MYO3A: variants seen among roughly 807,000 people sequenced by gnomAD.
MYO3A encodes the protein myosin IIIA, also known as myosin-IIIa.
In MYO3A, 180 loss-of-function variants were observed where a neutral mutation model predicts 192.7. That is an observed-to-expected ratio of 0.93 (90% CI 0.83 to 1.06). The LOEUF (loss-of-function observed/expected upper bound fraction) is 1.06, where lower values mean the gene tolerates loss of function less well. Among genes scored for constraint, MYO3A ranks in the 50% least tolerant of loss-of-function variants. MYO3A has a pLI of 0.00. For synonymous variants in MYO3A, 628 were observed against 645.3 expected (o/e 0.97, Z 0.41); for missense variants, 1,896 against 1,905.0 (o/e 1.00, Z 0.09).
chr10:26,029,583 A>T (rs552836354), intron 10 of MYO3A, among the ~76,000 whole-genome samples: 1 of 152,134 alleles, frequency 6.6e-6, no homozygotes, highest in Non-Finnish European at 1.5e-5. Flanking sequence ...ATACATCAAC[A>T]TCTATAGTTT....
chr10:26,035,372 C>G (rs1191862957), intron 10 of MYO3A, among the ~76,000 whole-genome samples: 1 of 152,062 alleles, frequency 6.6e-6, no homozygotes, highest in Non-Finnish European at 1.5e-5. Context: ...CTAAGTAGCA[C>G]TAAATAAAGG....
intron 4 of MYO3A, among the ~76,000 whole-genome samples, chr10:25,976,280 G>A (rs1216424813): frequency 1.3e-5 from 2 of 152,130 alleles, no homozygotes; most frequent in Non-Finnish European, 2.9e-5. Flanking sequence ...AAAGACTCAA[G>A]CATGAATATT....
intron 27 of MYO3A, among the ~76,000 whole-genome samples, chr10:26,167,907 A>G (rs370217065): frequency 2.4e-4 from 36 of 152,344 alleles, no homozygotes; most frequent in African/African-American, 8.7e-4. Context: ...AGGATTCAAT[A>G]AACTCTTTGA....
intron 4 of MYO3A, among the ~76,000 whole-genome samples, chr10:25,995,729 C>A (rs908429191): frequency 3.9e-5 from 6 of 152,222 alleles, no homozygotes; most frequent in African/African-American, 1.4e-4. Flanking sequence ...ACAGTCAGGA[C>A]CCTCAGCTGC....
intron 14 of MYO3A, among the ~76,000 whole-genome samples, chr10:26,071,969 C>G (rs1835233336): frequency 6.6e-6 from 1 of 152,130 alleles, no homozygotes; most frequent in Admixed American, 6.5e-5. Flanking sequence ...GTTTAATTGA[C>G]TCACAGTTTT....
At chr10:26,063,757 C>G (rs905162665) in intron 10 of MYO3A, among the ~76,000 whole-genome samples, 1 of 152,100 alleles carries the variant, frequency 6.6e-6, no homozygotes, top group South Asian at 2.1e-4. Flanking sequence ...GAGGAAACAA[C>G]AAGAACAAAA....
intron 7 of MYO3A, 127 bp downstream of exon 7, chr10:26,017,023 A>G: frequency 4.6e-6 from 5 of 1,075,780 alleles, no homozygotes; most frequent in Non-Finnish European, 7.0e-6. Context: ...TGTTATTTTC[A>G]TGTGAGAATT....
chr10:25,947,138 A>G (rs1836894006), intron 2 of MYO3A, among the ~76,000 whole-genome samples: 1 of 151,488 alleles, frequency 6.6e-6, no homozygotes, highest in Non-Finnish European at 1.5e-5. Context: ...CCTTCAGATG[A>G]TAATTACAAG....
chr10:26,050,439 C>T (rs1843921729), intron 10 of MYO3A, among the ~76,000 whole-genome samples: 2 of 152,326 alleles, frequency 1.3e-5, no homozygotes, highest in South Asian at 2.1e-4. Context: ...TGCAGCGGCT[C>T]TGGTAATACA....
At chr10:26,145,048 G>A (rs1437794234) in intron 21 of MYO3A, among the ~76,000 whole-genome samples, 2 of 152,082 alleles carry the variant, frequency 1.3e-5, no homozygotes, top group South Asian at 2.1e-4. Flanking sequence ...GCATGGTGTC[G>A]GGCTCCTGTA....
At chr10:26,164,209 G>T (rs909622603) in intron 26 of MYO3A, among the ~76,000 whole-genome samples, 1 of 152,200 alleles carries the variant, frequency 6.6e-6, no homozygotes, top group African/African-American at 2.4e-5. Context: ...AGCAAAGCTA[G>T]TGGAAGAAAC....
intron 19 of MYO3A, among the ~76,000 whole-genome samples, chr10:26,127,626 A>G (rs903214550): frequency 2.0e-5 from 3 of 152,224 alleles, no homozygotes; most frequent in Non-Finnish European, 2.9e-5. Context: ...CATAATACTA[A>G]GTGTAACCCT....
chr10:25,987,921 A>G (rs968289099), intron 4 of MYO3A, among the ~76,000 whole-genome samples: 3 of 152,214 alleles, frequency 2.0e-5, no homozygotes, highest in African/African-American at 7.2e-5. Context: ...TAGCAGCACA[A>G]TTTGCAATTG....
chr10:26,060,892 A>G (rs138531296), intron 10 of MYO3A, among the ~76,000 whole-genome samples: 2 of 152,262 alleles, frequency 1.3e-5, no homozygotes, highest in Non-Finnish European at 2.9e-5. Context: ...AATTAAGGTA[A>G]TGAAGATTCA....
chr10:26,029,609 C>T (rs1842718100), intron 10 of MYO3A, among the ~76,000 whole-genome samples: 2 of 152,012 alleles, frequency 1.3e-5, no homozygotes, highest in South Asian at 4.1e-4. Context: ...TATATAATTT[C>T]TTACTTGGTG....
intron 2 of MYO3A, 96 bp from the exon 3 acceptor site, chr10:25,951,998 A>G (rs930550151): frequency 4.5e-6 from 4 of 885,420 alleles, no homozygotes; most frequent in Non-Finnish European, 7.2e-6. Flanking sequence ...ATTTTCTATC[A>G]TATCAGTGAA....
intron 17 of MYO3A, among the ~76,000 whole-genome samples, chr10:26,118,329 C>G (rs1360750783): frequency 6.6e-6 from 1 of 152,150 alleles, no homozygotes. Flanking sequence ...ATGCTAATTC[C>G]TTATCAGAGT....
At chr10:26,199,578 A>G (rs1168572514) in intron 32 of MYO3A, among the ~76,000 whole-genome samples, 1 of 152,170 alleles carries the variant, frequency 6.6e-6, no homozygotes, top group Non-Finnish European at 1.5e-5. Flanking sequence ...TCAAAAAAAA[A>G]GAAAAGAAAA....
intron 20 of MYO3A, among the ~76,000 whole-genome samples, chr10:26,141,014 C>T (rs7895925): frequency 6.6e-6 from 1 of 152,024 alleles, no homozygotes; most frequent in Non-Finnish European, 1.5e-5. Context: ...TACAACCTCT[C>T]CCTCCCAGGT....
Sources: gnomAD v4.1 joint callset for allele counts (sites outside exome capture counted in the v4.1 genomes callset) on GRCh38, gnomAD v4.1.1 for gene constraint, MANE v1.5 for transcripts, NCBI Gene and HGNC (gene_info 2026-07-23, HGNC 2026-07-21) for gene names.